ARHGAP10: variants seen among roughly 807,000 people sequenced by gnomAD.
The protein encoded by ARHGAP10 is Rho GTPase activating protein 10, also known as rho GTPase-activating protein 10.
ARHGAP10 carries 87 observed loss-of-function variants against 108.6 expected under a neutral mutation model. The observed-to-expected ratio is 0.80, with a 90% CI of 0.67 to 0.96. The LOEUF is 0.96. Among genes scored for constraint, ARHGAP10 ranks in the 40% least tolerant of loss-of-function variants. ARHGAP10 has a pLI of 0.00. For missense variants in ARHGAP10, 939 were observed against 954.5 expected, an observed-to-expected ratio of 0.98 and a Z score of 0.21; for synonymous variants, 347 against 341.1, an observed-to-expected ratio of 1.02 and a Z score of -0.19.
chr4:147,787,851 G>A (rs557717511), intron 1 of ARHGAP10, among the ~76,000 whole-genome samples: 1 of 152,274 alleles, frequency 6.6e-6, no homozygotes, highest in East Asian at 1.9e-4. Context: ...CAGCGTGACT[G>A]GAGTTAATGT....
intron 20 of ARHGAP10, among the ~76,000 whole-genome samples, chr4:148,050,345 G>A (rs1213152167): frequency 7.9e-6 from 1 of 127,124 alleles, no homozygotes; most frequent in African/African-American, 2.9e-5. Context: ...TACTACATTT[G>A]GTTTCTTACT....
intron 1 of ARHGAP10, among the ~76,000 whole-genome samples, chr4:147,735,835 C>A (rs1228315814): frequency 6.6e-6 from 1 of 152,090 alleles, no homozygotes; most frequent in Non-Finnish European, 1.5e-5. Flanking sequence ...AAAGTACTTT[C>A]TTTTCTTAAA....
At chr4:147,810,764 C>G (rs776496033) in intron 1 of ARHGAP10, among the ~76,000 whole-genome samples, 1 of 152,206 alleles carries the variant, frequency 6.6e-6, no homozygotes, top group Admixed American at 6.5e-5. Flanking sequence ...ACTGTCCCAT[C>G]TTTTAGAACA....
chr4:147,849,581 G>T (rs774451173), intron 4 of ARHGAP10, among the ~76,000 whole-genome samples: 1 of 152,082 alleles, frequency 6.6e-6, no homozygotes, highest in Non-Finnish European at 1.5e-5. Context: ...TAGATATGGG[G>T]GTCAACATTT....
chr4:147,990,340 T>A (rs1191817208), intron 18 of ARHGAP10, among the ~76,000 whole-genome samples: 2 of 152,212 alleles, frequency 1.3e-5, no homozygotes, highest in African/African-American at 4.8e-5. Flanking sequence ...GACGAATGAA[T>A]GTTAGCCAGA....
At chr4:147,782,866 A>C (rs370692702) in intron 1 of ARHGAP10, among the ~76,000 whole-genome samples, 2 of 145,312 alleles carry the variant, frequency 1.4e-5, no homozygotes, top group East Asian at 2.0e-4. Flanking sequence ...TATATATATA[A>C]AAACAACATA....
chr4:147,932,296 A>G (rs1276652576), intron 13 of ARHGAP10, among the ~76,000 whole-genome samples: 1 of 152,186 alleles, frequency 6.6e-6, no homozygotes, highest in East Asian at 1.9e-4. Flanking sequence ...CAGCAATTCC[A>G]TTACTGGGTA....
At chr4:147,864,624 A>G in intron 5 of ARHGAP10, 1 of 451,258 alleles carries the variant, frequency 2.2e-6, no homozygotes, top group Non-Finnish European at 3.9e-6. Context: ...ACTTCTGTGG[A>G]CCATAAAGTT....
intron 5 of ARHGAP10, chr4:147,861,513 C>T (rs1259210919): frequency 6.6e-6 from 1 of 152,228 alleles, no homozygotes; most frequent in Non-Finnish European, 1.5e-5. Flanking sequence ...CTGGCCATTC[C>T]TTGGGTCCCA....
chr4:147,807,568 G>A (rs1235345420), intron 1 of ARHGAP10, among the ~76,000 whole-genome samples: 1 of 150,534 alleles, frequency 6.6e-6, no homozygotes, highest in African/African-American at 2.4e-5. Flanking sequence ...CAAAATAATG[G>A]AAAAACATTT....
At chr4:147,996,624 G>A (rs1740488456) in intron 18 of ARHGAP10, among the ~76,000 whole-genome samples, 1 of 152,180 alleles carries the variant, frequency 6.6e-6, no homozygotes, top group South Asian at 2.1e-4. Context: ...CAATGACCAG[G>A]CTGCATAGAT....
At chr4:147,899,598 A>G (rs928489770) in intron 10 of ARHGAP10, among the ~76,000 whole-genome samples, 53 of 151,858 alleles carry the variant, frequency 3.5e-4, no homozygotes, top group African/African-American at 1.2e-3. Flanking sequence ...GGAACATACA[A>G]TCTTCTGACT....
intron 18 of ARHGAP10, among the ~76,000 whole-genome samples, chr4:148,016,094 G>A (rs1357623254): frequency 6.6e-6 from 1 of 152,198 alleles, no homozygotes; most frequent in African/African-American, 2.4e-5. Flanking sequence ...TGTCAGGCAT[G>A]TGGCAAGTAC....
At chr4:147,835,939 A>T (rs141073482) in intron 3 of ARHGAP10, among the ~76,000 whole-genome samples, 52 of 152,386 alleles carry the variant, frequency 3.4e-4, no homozygotes, top group African/African-American at 1.2e-3. Context: ...GGGAAGGAAG[A>T]TCAAGTTTCA....
chr4:148,063,504 G>A (rs1238401430), intron 21 of ARHGAP10, among the ~76,000 whole-genome samples: 2 of 152,232 alleles, frequency 1.3e-5, no homozygotes, highest in Non-Finnish European at 2.9e-5. Context: ...TGGAGAATTT[G>A]CCTTACATGA....
chr4:147,966,311 A>C (rs1311384068), intron 17 of ARHGAP10, among the ~76,000 whole-genome samples: 1 of 152,198 alleles, frequency 6.6e-6, no homozygotes, highest in Non-Finnish European at 1.5e-5. Flanking sequence ...TTCCCTGTGG[A>C]CATGAGGGTT....
At chr4:147,944,664 G>A (rs1738301467) in intron 14 of ARHGAP10, among the ~76,000 whole-genome samples, 1 of 152,174 alleles carries the variant, frequency 6.6e-6, no homozygotes, top group Admixed American at 6.5e-5. Flanking sequence ...GACAAATACA[G>A]TATAAGGGAG....
chr4:147,783,649 T>C (rs1453449615), intron 1 of ARHGAP10, among the ~76,000 whole-genome samples: 2 of 146,440 alleles, frequency 1.4e-5, no homozygotes, highest in Non-Finnish European at 3.0e-5. Context: ...TTGTATAATT[T>C]ATAGAACACA....
chr4:147,779,119 C>T (rs896155716), intron 1 of ARHGAP10, among the ~76,000 whole-genome samples: 14 of 152,150 alleles, frequency 9.2e-5, no homozygotes, highest in Non-Finnish European at 1.5e-4. Flanking sequence ...CCTGTGGTAG[C>T]GCCCTGGAAT....
Sources: allele counts gnomAD v4.1 joint callset (sites outside exome capture counted in the v4.1 genomes callset), GRCh38; gene constraint gnomAD v4.1.1; transcripts MANE v1.5; gene names NCBI Gene and HGNC (gene_info 2026-07-23, HGNC 2026-07-21).